PCDHA12: variants seen among roughly 807,000 people sequenced by gnomAD.
The protein encoded by PCDHA12 is protocadherin alpha 12, also known as protocadherin alpha-12.
Under a neutral mutation model 60.0 loss-of-function variants are expected in PCDHA12, and 44 were observed. The ratio of observed to expected loss-of-function variants is 0.73; its 90% CI spans 0.58 to 0.94. PCDHA12 has a LOEUF of 0.94. Ranked by LOEUF, PCDHA12 falls within the 40% of genes least tolerant of loss-of-function variation. The pLI is 0.00. For missense variants in PCDHA12, 1,276 were observed against 1,239.7 expected (o/e 1.03, Z -0.44); for synonymous variants, 569 against 553.0 (o/e 1.03, Z -0.40).
At chr5:140,908,049 G>A (rs563362239) in intron 1 of PCDHA12, among the ~76,000 whole-genome samples, 19 of 152,210 alleles carry the variant, frequency 1.2e-4, no homozygotes, top group Admixed American at 1.0e-3. Flanking sequence ...TTGCACATCC[G>A]GCCATTTCTC....
chr5:140,884,053 C>G (rs782043806), intron 1 of PCDHA12: 1 of 1,613,496 alleles, frequency 6.2e-7, no homozygotes, highest in Admixed American at 1.7e-5. Context: ...CGAAGGTGCG[C>G]GCGGTGGACG....
chr5:140,966,945 A>C, intron 1 of PCDHA12: 1 of 1,603,804 alleles, frequency 6.2e-7, no homozygotes, highest in Non-Finnish European at 8.5e-7. Context: ...CTCGTGGGCA[A>C]CGTGGCTCGC....
intron 1 of PCDHA12, among the ~76,000 whole-genome samples, chr5:140,890,562 C>T (rs1456006217): frequency 1.3e-5 from 2 of 151,980 alleles, no homozygotes; most frequent in Non-Finnish European, 2.9e-5. Flanking sequence ...TTTTATTGTT[C>T]CATTTCCTTC....
chr5:140,901,146 C>A (rs1463079898), intron 1 of PCDHA12, among the ~76,000 whole-genome samples: 1 of 152,180 alleles, frequency 6.6e-6, no homozygotes, highest in African/African-American at 2.4e-5. Flanking sequence ...AATATTTTCT[C>A]TCAATCTGTG....
Position 140,876,170 on chromosome 5 carries a change from T to C in PCDHA12, c.698T>C (p.Leu233Pro), listed in dbSNP as rs781910243. 6.2e-7 allele frequency: 1 copy of C among 1,613,982 alleles called. No homozygotes were observed. Among genetic ancestry groups the C allele is most frequent in the African/African-American group, 1.3e-5 (1 of 75,048 alleles). The change falls in exon 1 of 4, where the codon CTG becomes CCG. Residue 233 changes from leucine (L) to proline (P), a missense_variant. Transcript: ENST00000398631. ...TCTGTCCAGATTCAAATAACCGTCCTGGATGTGAATGACAATGGTCCGGCG... is the reference window on the plus strand; with the variant it reads ...TCTGTCCAGATTCAAATAACCGTCCCGGATGTGAATGACAATGGTCCGGCG... ...TGSVQIQITV[L>P]DVNDNGPAFD...
intron 1 of PCDHA12, among the ~76,000 whole-genome samples, chr5:140,901,207 T>G (rs894216497): frequency 6.6e-6 from 1 of 152,206 alleles, no homozygotes; most frequent in Non-Finnish European, 1.5e-5. Flanking sequence ...AGAAGGTTTT[T>G]AAGTTGATGT....
At chr5:140,927,926 T>C (rs782407263) in intron 1 of PCDHA12, 2 of 1,614,212 alleles carry the variant, frequency 1.2e-6, no homozygotes, top group East Asian at 2.2e-5. Context: ...TTCCTGACTC[T>C]TTCGAACCCA....
At chr5:140,924,060 A>G (rs2081653054) in intron 1 of PCDHA12, among the ~76,000 whole-genome samples, 1 of 152,250 alleles carries the variant, frequency 6.6e-6, no homozygotes, top group African/African-American at 2.4e-5. Context: ...ACATCTTTAC[A>G]GTTGTATTTC....
chr5:141,008,594 C>A (rs1018305560), intron 3 of PCDHA12, among the ~76,000 whole-genome samples: 1 of 152,214 alleles, frequency 6.6e-6, no homozygotes, highest in African/African-American at 2.4e-5. Context: ...GCAGATTTCA[C>A]CTCCTCTGGA....
At chr5:140,889,144 A>G (rs2062119546) in intron 1 of PCDHA12, among the ~76,000 whole-genome samples, 1 of 151,794 alleles carries the variant, frequency 6.6e-6, no homozygotes, top group African/African-American at 2.4e-5. Flanking sequence ...TTTTCTTCCT[A>G]ATTTCTTCTT....
intron 1 of PCDHA12, among the ~76,000 whole-genome samples, chr5:140,913,707 A>T (rs1355291016): frequency 6.6e-6 from 1 of 152,120 alleles, no homozygotes; most frequent in Non-Finnish European, 1.5e-5. Flanking sequence ...CAATGTAGGC[A>T]ATTACAGCTA....
chr5:141,007,683 A>G (rs576789056), intron 3 of PCDHA12, among the ~76,000 whole-genome samples: 1 of 152,268 alleles, frequency 6.6e-6, no homozygotes, highest in African/African-American at 2.4e-5. Context: ...AAGTTATCCT[A>G]CTTCCACCTC....
chr5:140,971,928 T>C (rs1318885872), intron 1 of PCDHA12, among the ~76,000 whole-genome samples: 1 of 152,186 alleles, frequency 6.6e-6, no homozygotes, highest in Non-Finnish European at 1.5e-5. Flanking sequence ...GCTAGTGTTA[T>C]TTTAAGTTGT....
In PCDHA12 at chr5:140,876,730, G is replaced by A. The variant is rs1338047769; in HGVS notation, c.1258G>A (p.Ala420Thr). ...DSALDRESVS[A>T]YELVVTARDG... ...CGCCCTGGACCGCGAGAGCGTGTCG[G>A]CCTATGAGCTGGTGGTGACTGCGCG... Residue 420 changes from alanine to threonine, a missense_variant, in exon 1 of 4, where the codon GCC (alanine) becomes ACC (threonine). Ala to Thr is a moderately conservative substitution (Grantham distance 58, BLOSUM62 0). Transcript: ENST00000398631. 1.2e-6 allele frequency: 2 copies of A among 1,614,254 alleles called. No individual in the cohort carries two copies. The highest frequency in any genetic ancestry group is 1.7e-6 in the Non-Finnish European group (2 of 1,180,050).
chr5:140,967,495 C>G, intron 1 of PCDHA12: 1 of 1,613,306 alleles, frequency 6.2e-7, no homozygotes. Flanking sequence ...CGGCACAGAT[C>G]TCTGTGCGTG....
At chr5:140,981,332 G>A (rs1407839547) in intron 2 of PCDHA12, among the ~76,000 whole-genome samples, 1 of 152,182 alleles carries the variant, frequency 6.6e-6, no homozygotes, top group Non-Finnish European at 1.5e-5. Context: ...CCAGCACTTT[G>A]GGAGGGTGAG....
chr5:140,884,721 T>C, intron 1 of PCDHA12: 1 of 1,464,684 alleles, frequency 6.8e-7, no homozygotes, highest in South Asian at 1.5e-5. Flanking sequence ...TTGCAGTTGT[T>C]TGTTTAAGAC....
At chr5:140,977,661 CTGCA>C (rs1554238727) in intron 1 of PCDHA12, among the ~76,000 whole-genome samples, 1 of 152,168 alleles carries the variant, frequency 6.6e-6, no homozygotes, top group Non-Finnish European at 1.5e-5. Flanking sequence ...GGCTAATTCT[CTGCA>C]TGCCAAATAT....
At position 140,972,813 on chromosome 5, in the gene PCDHA12, G is replaced by A. The variant is rs559474622; in HGVS notation, c.2368-6136G>A. Reference sequence around the variant, plus strand: ...TGAGTAGCTGAGATTACAGGCACGCGCCACCACGCCTGGCTAATTTTTGTA... The same window carrying A: ...TGAGTAGCTGAGATTACAGGCACGCACCACCACGCCTGGCTAATTTTTGTA... On this transcript the variant is annotated intron_variant, in intron 1 of 3. Transcript: ENST00000398631. Among the ~76,000 whole-genome samples, 11 of 151,984 alleles carry A rather than the reference G, an allele frequency of 7.2e-5. No individual in the cohort carries two copies. In the East Asian group the frequency reaches 1.2e-3, roughly 16 times the overall value.
Sources: allele counts gnomAD v4.1 joint callset (sites outside exome capture counted in the v4.1 genomes callset), GRCh38; gene constraint gnomAD v4.1.1; transcripts MANE v1.5; gene names NCBI Gene and HGNC (gene_info 2026-07-23, HGNC 2026-07-21).